The following TEX9 variants were observed in gnomAD, a reference collection of about 807,000 sequenced individuals.
TEX9 encodes the protein testis expressed 9.
A neutral mutation model predicts 59.6 loss-of-function variants in TEX9; 74 were observed. The observed-to-expected ratio is 1.24, with a 90% confidence interval of 1.03 to 1.51. The LOEUF (loss-of-function observed/expected upper bound fraction) is 1.51. Among genes scored for constraint, TEX9 ranks in the 40% most tolerant of loss-of-function variants. TEX9 has a pLI of 0.00. For missense variants in TEX9, 522 were observed against 447.8 expected (o/e 1.17, Z -1.49); for synonymous variants, 186 against 152.2 (o/e 1.22, Z -1.64).
At chr15:56,338,993 A>T (rs997444958) in intron 1 of TEX9, among the ~76,000 whole-genome samples, 1 of 152,122 alleles carries the variant, frequency 6.6e-6, no homozygotes, top group African/African-American at 2.4e-5. Context: ...CATGTATTTT[A>T]CAAAAGCATC....
intron 2 of TEX9, among the ~76,000 whole-genome samples, chr15:56,367,522 G>C (rs892548099): frequency 6.6e-6 from 1 of 152,154 alleles, no homozygotes; most frequent in African/African-American, 2.4e-5. Context: ...CGCTCAAGTG[G>C]ATAGATTTTT....
At chr15:56,376,912 T>C (rs2047481571) in intron 3 of TEX9, among the ~76,000 whole-genome samples, 1 of 152,206 alleles carries the variant, frequency 6.6e-6, no homozygotes, top group Non-Finnish European at 1.5e-5. Flanking sequence ...TTCAATACAT[T>C]TTGATTTGAT....
intron 1 of TEX9, among the ~76,000 whole-genome samples, chr15:56,348,772 A>G (rs1391797914): frequency 2.0e-5 from 3 of 151,932 alleles, no homozygotes; most frequent in Non-Finnish European, 2.9e-5. Flanking sequence ...ATTTCACCAT[A>G]TCTGGGAAAT....
intron 1 of TEX9, among the ~76,000 whole-genome samples, chr15:56,352,396 T>C (rs1265539789): frequency 1.3e-5 from 2 of 151,584 alleles, no homozygotes; most frequent in Admixed American, 1.3e-4. Flanking sequence ...AGGTGCCCAC[T>C]ACCACGCCCA....
chr15:56,456,629 G>C, the TEX9 span: 1 of 1,047,406 alleles, frequency 9.5e-7, no homozygotes, highest in African/African-American at 1.6e-5. Context: ...GCCAACAATT[G>C]ATGATGTTTT....
intron 9 of TEX9, among the ~76,000 whole-genome samples, chr15:56,411,972 A>G (rs2303441): frequency 0.35 from 52,864 of 152,050 alleles, 10,551 homozygotes; most frequent in Non-Finnish European, 0.45. Context: ...GAGAAGAAAT[A>G]CAGTTATAAT....
chr15:56,261,950 C>G lies in TEX9; in HGVS notation c.-107+17672C>G, dbSNP rs187257707. On this transcript the variant is annotated intron_variant, in intron 1 of 5. Transcript: ENST00000560827. ...AGAAGTTGCCATGGTGCTGTACTGA[C>G]GAAATGTACTGGAATTCCACCTTCT... Among the ~76,000 whole-genome samples the G allele has an allele frequency of 6.6e-5, 10 of 152,092 alleles. 1 individual carries two copies. Among genetic ancestry groups the G allele is most frequent in the Admixed American group, 6.6e-4 (10 of 15,256 alleles).
intron 3 of TEX9, among the ~76,000 whole-genome samples, chr15:56,380,979 T>C (rs2142129680): frequency 1.3e-5 from 2 of 152,314 alleles, no homozygotes; most frequent in East Asian, 3.9e-4. Flanking sequence ...GTTTGGGAAG[T>C]TCTCTGATAT....
chr15:56,273,717 G>A (rs1020598030), intron 1 of TEX9, among the ~76,000 whole-genome samples: 1 of 151,946 alleles, frequency 6.6e-6, no homozygotes, highest in African/African-American at 2.4e-5. Context: ...TAAAATTCTG[G>A]TTTGACAATT....
At chr15:56,414,603 A>G (rs2049579515) in intron 10 of TEX9, among the ~76,000 whole-genome samples, 3 of 151,818 alleles carry the variant, frequency 2.0e-5, no homozygotes, top group Admixed American at 6.6e-5. Context: ...ATAGTATTCC[A>G]TGGTGTATAC....
At chr15:56,410,658 AG>A (rs2049303237) in intron 9 of TEX9, among the ~76,000 whole-genome samples, 2 of 152,154 alleles carry the variant, frequency 1.3e-5, no homozygotes, top group Non-Finnish European at 2.9e-5. Flanking sequence ...TCCCAAGAAG[AG>A]GGCAGTATTG....
chr15:56,346,430 T>A (rs1247801444), intron 1 of TEX9, among the ~76,000 whole-genome samples: 1 of 152,142 alleles, frequency 6.6e-6, no homozygotes, highest in South Asian at 2.1e-4. Context: ...CAGGATGGCA[T>A]CTATCCTTCT....
At chr15:56,434,142 T>C (rs2050674098) in intron 12 of TEX9, 2 of 1,608,806 alleles carry the variant, frequency 1.2e-6, no homozygotes, top group East Asian at 2.2e-5. Context: ...TCTTACTTTG[T>C]CTGCAAGGAA....
intron 12 of TEX9, chr15:56,443,616 AAAG>A (rs2050855921): frequency 1.9e-6 from 3 of 1,604,716 alleles, no homozygotes; most frequent in East Asian, 2.2e-5. Context: ...TACTAGTGTT[AAAG>A]AAGTGGTTAT....
chr15:56,273,936 C>T (rs2044609324), intron 1 of TEX9, among the ~76,000 whole-genome samples: 1 of 152,022 alleles, frequency 6.6e-6, no homozygotes, highest in African/African-American at 2.4e-5. Context: ...CTTATTTATC[C>T]TGCTTATGGT....
At chr15:56,407,835 A>G (rs2049152169) in intron 9 of TEX9, among the ~76,000 whole-genome samples, 1 of 152,044 alleles carries the variant, frequency 6.6e-6, no homozygotes, top group African/African-American at 2.4e-5. Flanking sequence ...TCATCCTTTC[A>G]CTAAATTTAC....
rs146159522 is a variant in TEX9 at position 56,415,935 on chromosome 15, A to C, written c.963+3499A>C. On this transcript the variant is annotated intron_variant, in intron 10 of 12. Transcript: ENST00000352903. ...CAGTGTTTCGTAATTCTCATTGTAGAGATCTTGCACCTCCCTGGTTAGCTG... is the reference window on the plus strand; with the variant it reads ...CAGTGTTTCGTAATTCTCATTGTAGCGATCTTGCACCTCCCTGGTTAGCTG... Among the ~76,000 whole-genome samples, 440 of 151,816 alleles carry C rather than the reference A, an allele frequency of 2.9e-3. 6 individuals carry two copies. The highest frequency in any genetic ancestry group is 0.018 in the South Asian group (87 of 4,824).
chr15:56,436,179 A>G lies in TEX9; in HGVS notation c.*29+7706A>G, dbSNP rs145482129. Among the ~76,000 whole-genome samples, 262 of 152,238 alleles carry G rather than the reference A, an allele frequency of 1.7e-3. 5 individuals carry two copies. The East Asian group carries it at 0.042, about 24-fold the overall frequency. ...TTCTTCTCAGCACCACACCGCACTT[A>G]TTCCAAAGTTGACCACATAGTTGGA... is the stretch of plus-strand genomic sequence containing the variant. On this transcript the variant is annotated intron_variant, in intron 12 of 12. Transcript: ENST00000352903.
intron 1 of TEX9, among the ~76,000 whole-genome samples, chr15:56,245,207 G>A (rs530051848): frequency 1.3e-5 from 2 of 152,214 alleles, no homozygotes; most frequent in Admixed American, 6.5e-5. Context: ...CCCTGCCTTG[G>A]CCTGAAACCC....
Sources: allele counts gnomAD v4.1 joint callset (sites outside exome capture counted in the v4.1 genomes callset), GRCh38; gene constraint gnomAD v4.1.1; transcripts MANE v1.5; gene names NCBI Gene and HGNC (gene_info 2026-07-23, HGNC 2026-07-21).